LARP4B: variants seen among roughly 807,000 people sequenced by gnomAD.
LARP4B encodes the protein la-related protein 4B.
Under a neutral mutation model 89.8 loss-of-function variants are expected in LARP4B, and 12 were observed. That is an observed-to-expected ratio of 0.13 (90% CI 0.09 to 0.22). The LOEUF (loss-of-function observed/expected upper bound fraction) is 0.22, where lower values mean the gene tolerates loss of function less well. Among genes scored for constraint, LARP4B ranks in the 10% least tolerant of loss-of-function variants. The pLI is 1.00. For missense variants in LARP4B, 757 were observed against 947.7 expected, an observed-to-expected ratio of 0.80 and a Z score of 2.64; for synonymous variants, 367 against 363.3, an observed-to-expected ratio of 1.01 and a Z score of -0.12.
chr10:890,833 C>G (rs906090708), intron 1 of LARP4B, among the ~76,000 whole-genome samples: 1 of 152,044 alleles, frequency 6.6e-6, no homozygotes, highest in Non-Finnish European at 1.5e-5. Context: ...GGGTTTTCTA[C>G]GAGAGAACAG....
At chr10:988,273 C>G in the LARP4B span, 1 of 585,960 alleles carries the variant, frequency 1.7e-6, no homozygotes. Context: ...ACCCTCGCTC[C>G]TGAGGCCCTC....
the LARP4B span, among the ~76,000 whole-genome samples, chr10:982,096 TTTTCTTTCTTTC>T: frequency 3.3e-5 from 4 of 121,066 alleles, no homozygotes; most frequent in Non-Finnish European, 4.9e-5. Context: ...TATAGCTTTT[TTTTCTTTCTTTC>T]TTTCTTTCTT....
rs140421230 is a variant in LARP4B at position 876,629 on chromosome 10, G to C, written c.141+7818C>G. Among the ~76,000 whole-genome samples the C allele has an allele frequency of 3.9e-5, 6 of 152,300 alleles. No homozygotes were observed. In the East Asian group the frequency reaches 9.7e-4, roughly 25 times the overall value. ...GGCTCAGTCCACCCAGCAGCTGTCAGGGGTTGGAGTCTCCTGCCCACAGCT... is the reference window on the plus strand; with the variant it reads ...GGCTCAGTCCACCCAGCAGCTGTCACGGGTTGGAGTCTCCTGCCCACAGCT... On this transcript the variant is annotated intron_variant, in intron 3 of 17. Transcript: ENST00000316157.
At chr10:909,012 C>CT (rs1358460133) in intron 1 of LARP4B, among the ~76,000 whole-genome samples, 1 of 151,880 alleles carries the variant, frequency 6.6e-6, no homozygotes, top group Non-Finnish European at 1.5e-5. Context: ...TTCCAAGTTG[C>CT]GGCCAGGCGC....
chr10:868,957 C>T (rs1024324168), intron 3 of LARP4B, among the ~76,000 whole-genome samples: 2 of 152,186 alleles, frequency 1.3e-5, no homozygotes, highest in African/African-American at 2.4e-5. Flanking sequence ...CACACTGCTT[C>T]GATAAATGTC....
In LARP4B at chr10:892,834, C is replaced by T. The variant is rs191000131; in HGVS notation, c.-39-7074G>A. 8.0e-5 allele frequency among the ~76,000 whole-genome samples: 12 copies of T among 150,490 alleles called. No homozygotes were observed. The East Asian group carries it at 1.8e-3, about 23-fold the overall frequency. ...GATTACAGGCGTGAGCCACCGCGCC[C>T]GGCAAAATTATTGTTAATTTAAAGG... On this transcript the variant is annotated intron_variant, in intron 1 of 17. Coordinates refer to ENST00000316157, the MANE Select transcript of LARP4B (RefSeq NM_015155.3).
At chr10:871,783 T>C (rs1835212088) in intron 3 of LARP4B, among the ~76,000 whole-genome samples, 1 of 152,190 alleles carries the variant, frequency 6.6e-6, no homozygotes, top group South Asian at 2.1e-4. Context: ...CAATTCTATC[T>C]AGACCAACAG....
intron 5 of LARP4B, among the ~76,000 whole-genome samples, chr10:852,299 G>C (rs865783568): frequency 2.0e-5 from 3 of 152,200 alleles, no homozygotes; most frequent in African/African-American, 7.2e-5. Flanking sequence ...AAAGTATACT[G>C]TATCATGATC....
intron 11 of LARP4B, among the ~76,000 whole-genome samples, chr10:828,743 C>T (rs987636731): frequency 2.6e-5 from 4 of 152,218 alleles, no homozygotes; most frequent in Admixed American, 6.5e-5. Flanking sequence ...CTTCACTTCT[C>T]AACTAGACTT....
rs368669891 is a variant in LARP4B at position 911,744 on chromosome 10, G to A, written c.-40+19684C>T. On this transcript the variant is annotated intron_variant, in intron 1 of 17. Coordinates refer to ENST00000316157, the MANE Select transcript of LARP4B (RefSeq NM_015155.3). ...AAGAGTTGTGAGTAGTTTCCTCTCAGGTCTAAAGCTCTGCTCCCTTTTGCA... is the reference window on the plus strand; with the variant it reads ...AAGAGTTGTGAGTAGTTTCCTCTCAAGTCTAAAGCTCTGCTCCCTTTTGCA... 2.6e-5 allele frequency among the ~76,000 whole-genome samples: 4 copies of A among 152,274 alleles called. No homozygotes were observed. In the East Asian group the frequency reaches 7.7e-4, roughly 29 times the overall value.
At position 812,541 on chromosome 10, in the gene LARP4B, TAA is replaced by T. The variant is rs58718835; in HGVS notation, c.*383_*384del. On this transcript the variant is annotated 3_prime_UTR_variant, in exon 18 of 18. Coordinates refer to ENST00000316157, the MANE Select transcript of LARP4B (RefSeq NM_015155.3). ...GATATGCACTTACAGACCAGTTACT[TAA>T]AAAAAAAAAAAAAAAGCAGAGTTCC... The T allele has an allele frequency of 2.1e-4, 28 of 132,964 alleles. No individual in the cohort carries two copies. The highest frequency in any genetic ancestry group is 2.5e-4 in the Non-Finnish European group (16 of 62,876). The allele number at this position is 132,964 out of a possible 1,614,324, so 8.2% of individuals were successfully genotyped here.
chr10:938,973 G>T, the LARP4B span, among the ~76,000 whole-genome samples: 1 of 152,232 alleles, frequency 6.6e-6, no homozygotes, highest in South Asian at 2.1e-4. Context: ...GGTGAAAATT[G>T]TTGAAGCTGG....
intron 1 of LARP4B, among the ~76,000 whole-genome samples, chr10:910,498 G>C (rs1409597034): frequency 6.6e-6 from 1 of 152,190 alleles, no homozygotes; most frequent in Non-Finnish European, 1.5e-5. Flanking sequence ...TTTGTGTGAG[G>C]TCTCCTGAAA....
intron 1 of LARP4B, among the ~76,000 whole-genome samples, chr10:930,994 C>A (rs1173470400): frequency 2.7e-5 from 4 of 150,386 alleles, no homozygotes; most frequent in African/African-American, 9.7e-5. Context: ...GCCCGACCCC[C>A]GTCCTCGCCG....
downstream of LARP4B, chr10:809,434 T>C (rs1831660236): frequency 6.6e-6 from 1 of 152,230 alleles, no homozygotes; most frequent in South Asian, 2.1e-4. Context: ...CAATCATATA[T>C]GAGGCCCGTG....
the LARP4B span, among the ~76,000 whole-genome samples, chr10:958,507 T>C: frequency 6.6e-6 from 1 of 152,228 alleles, no homozygotes; most frequent in African/African-American, 2.4e-5. Flanking sequence ...AGCACCTGTG[T>C]AGCCTTGCTG....
intron 1 of LARP4B, among the ~76,000 whole-genome samples, chr10:899,408 A>G (rs1454159520): frequency 6.6e-6 from 1 of 152,136 alleles, no homozygotes; most frequent in Non-Finnish European, 1.5e-5. Context: ...TCCCTGTTCT[A>G]TTTGCCATGT....
At chr10:893,731 C>G (rs1836107113) in intron 1 of LARP4B, among the ~76,000 whole-genome samples, 1 of 152,166 alleles carries the variant, frequency 6.6e-6, no homozygotes, top group South Asian at 2.1e-4. Context: ...GCCATGAAGA[C>G]AACTGGTCCC....
intron 5 of LARP4B, among the ~76,000 whole-genome samples, chr10:861,143 A>G (rs1342502133): frequency 6.6e-6 from 1 of 152,112 alleles, no homozygotes; most frequent in African/African-American, 2.4e-5. Context: ...GTGACACAGC[A>G]AGACTCCATC....
Sources: allele counts gnomAD v4.1 joint callset (sites outside exome capture counted in the v4.1 genomes callset), GRCh38; gene constraint gnomAD v4.1.1; transcripts MANE v1.5; gene names NCBI Gene and HGNC (gene_info 2026-07-23, HGNC 2026-07-21).